Variants in ZBTB16 observed in about 807,000 individuals in gnomAD.
The protein encoded by ZBTB16 is zinc finger and BTB domain containing 16, also known as zinc finger and BTB domain-containing protein 16.
In ZBTB16, 8 loss-of-function variants were observed where a neutral mutation model predicts 56.8. The ratio of observed to expected loss-of-function variants is 0.14; its 90% CI spans 0.08 to 0.25. ZBTB16 has a LOEUF of 0.25. ZBTB16 is among the 10% of genes least tolerant of loss of function. ZBTB16 has a pLI of 1.00. For synonymous variants in ZBTB16, 363 were observed against 368.5 expected (o/e 0.98, Z 0.17); for missense variants, 625 against 903.0 (o/e 0.69, Z 3.95).
intron 4 of ZBTB16, among the ~76,000 whole-genome samples, chr11:114,226,049 G>A (rs1366217620): frequency 6.6e-6 from 1 of 152,128 alleles, no homozygotes; most frequent in Non-Finnish European, 1.5e-5. Context: ...CAACACCGAG[G>A]CTCTTTGCTT....
intron 3 of ZBTB16, among the ~76,000 whole-genome samples, chr11:114,179,878 C>T (rs1943205899): frequency 6.6e-6 from 1 of 152,136 alleles, no homozygotes; most frequent in Non-Finnish European, 1.5e-5. Flanking sequence ...GGTTCTTTGA[C>T]AAGGGGGAGA....
chr11:114,169,275 G>A lies in ZBTB16; in HGVS notation c.1366+12841G>A, dbSNP rs368911435. ...ATTACTAGCGCCTTAGACTTCAAGCGTCTTGGAGTATGATGCATCAGGAAG... is the reference window on the plus strand; with the variant it reads ...ATTACTAGCGCCTTAGACTTCAAGCATCTTGGAGTATGATGCATCAGGAAG... On this transcript the variant is annotated intron_variant, in intron 3 of 6. Coordinates refer to ENST00000335953, the MANE Select transcript of ZBTB16 (RefSeq NM_006006.6). Among the ~76,000 whole-genome samples the A allele has an allele frequency of 6.8e-4, 103 of 152,272 alleles. 1 individual carries two copies. In the South Asian group the frequency reaches 0.02, roughly 30 times the overall value.
intron 4 of ZBTB16, among the ~76,000 whole-genome samples, chr11:114,197,395 G>A (rs906981610): frequency 3.3e-5 from 5 of 152,144 alleles, no homozygotes; most frequent in Non-Finnish European, 5.9e-5. Flanking sequence ...TCGTTTCAGT[G>A]TGAAGGAGTC....
intron 2 of ZBTB16, among the ~76,000 whole-genome samples, chr11:114,094,578 G>A (rs1940311031): frequency 6.6e-6 from 1 of 152,228 alleles, no homozygotes; most frequent in Admixed American, 6.5e-5. Flanking sequence ...GTAGCTTCCA[G>A]AGAGAGCCAT....
Position 114,187,026 on chromosome 11 carries a change from C to A in ZBTB16, c.1441C>A (p.Gln481Lys). 1 of 1,614,084 alleles carries A rather than the reference C, an allele frequency of 6.2e-7. No individual in the cohort carries two copies. The highest frequency in any genetic ancestry group is 8.5e-7 in the Non-Finnish European group (1 of 1,180,002). Residue 481 changes from glutamine to lysine, a missense_variant, in exon 4 of 7, where the codon CAG (glutamine) becomes AAG (lysine). This residue lies in a region of ZBTB16 where 140 missense variants were observed against 214.8 expected (regional missense o/e 0.65). Coordinates refer to ENST00000335953, the MANE Select transcript of ZBTB16 (RefSeq NM_006006.6). ...SKEDALETHR[Q>K]THTGTDMAVF... ...GGAGGATGCCCTGGAGACACACAGG[C>A]AGACCCATACTGGTGAGTTGACTTG...
chr11:114,120,436 T>C (rs760139538), intron 2 of ZBTB16, among the ~76,000 whole-genome samples: 4 of 152,226 alleles, frequency 2.6e-5, no homozygotes, highest in Admixed American at 6.5e-5. Context: ...CCTTCACCTC[T>C]TCTACTGTTT....
At chr11:114,170,341 C>T (rs939544888) in intron 3 of ZBTB16, among the ~76,000 whole-genome samples, 2 of 152,164 alleles carry the variant, frequency 1.3e-5, no homozygotes, top group African/African-American at 2.4e-5. Context: ...CATCCGAGGA[C>T]GGTCTCAGGA....
intron 2 of ZBTB16, among the ~76,000 whole-genome samples, chr11:114,142,288 C>A (rs1396575865): frequency 6.6e-6 from 1 of 152,086 alleles, no homozygotes; most frequent in Non-Finnish European, 1.5e-5. Context: ...CCTTCCCACC[C>A]CCTTCCCCAG....
intron 2 of ZBTB16, among the ~76,000 whole-genome samples, chr11:114,149,193 A>G (rs574931249): frequency 6.6e-6 from 1 of 152,314 alleles, no homozygotes; most frequent in East Asian, 1.9e-4. Context: ...AGAGGTGTCA[A>G]GTGAAATCTA....
intron 3 of ZBTB16, among the ~76,000 whole-genome samples, chr11:114,168,142 C>T (rs1321144732): frequency 6.6e-6 from 1 of 152,202 alleles, no homozygotes; most frequent in Non-Finnish European, 1.5e-5. Flanking sequence ...CCTATACTAC[C>T]TCGCTTAGTA....
At chr11:114,126,883 C>T (rs938326635) in intron 2 of ZBTB16, among the ~76,000 whole-genome samples, 12 of 152,180 alleles carry the variant, frequency 7.9e-5, no homozygotes, top group Admixed American at 2.6e-4. Flanking sequence ...CTCTGCCTGA[C>T]GAAATTGTGG....
intron 2 of ZBTB16, among the ~76,000 whole-genome samples, chr11:114,106,052 TG>T (rs1335999586): frequency 5.9e-5 from 9 of 152,264 alleles, no homozygotes; most frequent in Non-Finnish European, 1.2e-4. Context: ...TATTGCATAA[TG>T]CTTTTCTATC....
chr11:114,246,061 AC>A (rs1205541477), intron 5 of ZBTB16, among the ~76,000 whole-genome samples: 3 of 152,072 alleles, frequency 2.0e-5, no homozygotes, highest in Non-Finnish European at 2.9e-5. Context: ...TATTCTCCAC[AC>A]CCCAACCTCT....
At chr11:114,216,497 C>T (rs1445867118) in intron 4 of ZBTB16, among the ~76,000 whole-genome samples, 1 of 152,210 alleles carries the variant, frequency 6.6e-6, no homozygotes, top group African/African-American at 2.4e-5. Context: ...GGGGCTGCTG[C>T]ACAAGCCCAG....
At chr11:114,084,076 T>C (rs1939878556) in intron 2 of ZBTB16, among the ~76,000 whole-genome samples, 1 of 152,254 alleles carries the variant, frequency 6.6e-6, no homozygotes, top group Non-Finnish European at 1.5e-5. Flanking sequence ...TCTACTAATC[T>C]GTCCACTGAG....
intron 4 of ZBTB16, among the ~76,000 whole-genome samples, chr11:114,203,854 A>G (rs1385889599): frequency 6.6e-6 from 1 of 152,096 alleles, no homozygotes; most frequent in Non-Finnish European, 1.5e-5. Context: ...TGCCCTCCCC[A>G]TTCCTCCATT....
At chr11:114,078,785 G>T (rs1939658602) in intron 2 of ZBTB16, among the ~76,000 whole-genome samples, 3 of 152,178 alleles carry the variant, frequency 2.0e-5, no homozygotes, top group African/African-American at 2.4e-5. Flanking sequence ...ATGAAGGGAA[G>T]AAGGTTGGCT....
chr11:114,248,755 C>A (rs758837617), intron 6 of ZBTB16, among the ~76,000 whole-genome samples: 4 of 152,164 alleles, frequency 2.6e-5, no homozygotes, highest in African/African-American at 9.7e-5. Flanking sequence ...GTTGGGTGTC[C>A]GTTGATGACA....
intron 2 of ZBTB16, among the ~76,000 whole-genome samples, chr11:114,139,835 G>A (rs566524250): frequency 6.6e-6 from 1 of 152,284 alleles, no homozygotes; most frequent in African/African-American, 2.4e-5. Context: ...GTGAATGGGC[G>A]GCTGTGGAGG....
Sources: gnomAD v4.1 joint callset for allele counts (sites outside exome capture counted in the v4.1 genomes callset) on GRCh38, gnomAD v4.1.1 for gene constraint, gnomAD v4.1.1 regional missense constraint, MANE v1.5 for transcripts, NCBI Gene and HGNC (gene_info 2026-07-23, HGNC 2026-07-21) for gene names.